The following LGR5 variants were observed in gnomAD, a reference collection of about 807,000 sequenced individuals.
The protein encoded by LGR5 is leucine rich repeat containing G protein-coupled receptor 5.
LGR5 carries 54 observed loss-of-function variants against 76.7 expected under a neutral mutation model. That is an observed-to-expected ratio of 0.70 (90% CI 0.57 to 0.88). The LOEUF is 0.88. LGR5 is among the 40% of genes least tolerant of loss of function. The pLI is 0.00. For missense variants in LGR5, 1,078 were observed against 1,073.3 expected (o/e 1.00, Z -0.06); for synonymous variants, 406 against 421.9 (o/e 0.96, Z 0.46).
At chr12:71,571,630 C>A in intron 12 of LGR5, 51 bp downstream of exon 12, 1 of 1,340,634 alleles carries the variant, frequency 7.5e-7, no homozygotes, top group Non-Finnish European at 1.1e-6. Context: ...AATCAAAACT[C>A]ACATTTCTCA....
At position 71,440,226 on chromosome 12, in the gene LGR5, G is replaced by A; in HGVS notation, c.146G>A (p.Arg49Lys). ...HCEPDGRMLL[R>K]VDCSDLGLSE... Reference sequence around the variant, plus strand: ...GAGCCCGACGGCAGGATGTTGCTCAGGGTGGACTGCTCCGACCTGGGGCTC... The same window carrying A: ...GAGCCCGACGGCAGGATGTTGCTCAAGGTGGACTGCTCCGACCTGGGGCTC... The change falls in exon 1 of 18, where the codon AGG becomes AAG. Residue 49 changes from arginine (R) to lysine (K), a missense_variant. Physicochemically the swap from Arg to Lys is conservative, Grantham distance 26 (BLOSUM62 2). Transcript: ENST00000266674. This position sits in a 1 kb window ranked among gnomAD's most constrained non-coding sequence, Gnocchi z 5.3. 6.2e-7 allele frequency: 1 copy of A among 1,613,310 alleles called. No individual in the cohort carries two copies. The highest frequency in any genetic ancestry group is 8.5e-7 in the Non-Finnish European group (1 of 1,179,908).
At chr12:71,519,958 G>T (rs1236816334) in intron 2 of LGR5, among the ~76,000 whole-genome samples, 1 of 151,782 alleles carries the variant, frequency 6.6e-6, no homozygotes, top group African/African-American at 2.4e-5. Flanking sequence ...TATAACCCTG[G>T]TGCATTATTA....
chr12:71,543,272 C>G (rs941752570), intron 4 of LGR5, among the ~76,000 whole-genome samples: 1 of 152,208 alleles, frequency 6.6e-6, no homozygotes, highest in African/African-American at 2.4e-5. Flanking sequence ...TTCCCACATG[C>G]CTTTCCTGGG....
chr12:71,546,797 A>C (rs1877193205), intron 4 of LGR5, among the ~76,000 whole-genome samples: 1 of 152,128 alleles, frequency 6.6e-6, no homozygotes, highest in Non-Finnish European at 1.5e-5. Context: ...TTTCATGCAA[A>C]CCTTGAAGAC....
intron 5 of LGR5, among the ~76,000 whole-genome samples, chr12:71,554,500 G>T (rs1877661490): frequency 6.6e-6 from 1 of 152,216 alleles, no homozygotes. Context: ...TTTCTAATCT[G>T]TGGCTAATTT....
At chr12:71,557,526 C>CTACA (rs772087738) in intron 6 of LGR5, among the ~76,000 whole-genome samples, 2 of 152,178 alleles carry the variant, frequency 1.3e-5, no homozygotes, top group Admixed American at 6.5e-5. Context: ...ATGTTTACTA[C>CTACA]TACATACTAC....
chr12:71,492,385 A>T (rs1874113362), intron 1 of LGR5, among the ~76,000 whole-genome samples: 2 of 152,150 alleles, frequency 1.3e-5, no homozygotes, highest in Admixed American at 1.3e-4. Flanking sequence ...CAGCATTTCA[A>T]CTGGTTTAGA....
intron 3 of LGR5, among the ~76,000 whole-genome samples, chr12:71,532,684 T>C (rs1339500158): frequency 6.6e-6 from 1 of 152,204 alleles, no homozygotes; most frequent in Non-Finnish European, 1.5e-5. Flanking sequence ...TTATTCCCAT[T>C]ATACAGATAA....
At chr12:71,550,425 G>A (rs890166468) in intron 4 of LGR5, among the ~76,000 whole-genome samples, 3 of 148,350 alleles carry the variant, frequency 2.0e-5, no homozygotes, top group African/African-American at 5.0e-5. Context: ...GAACCACTGC[G>A]CGCAGCCCAA....
chr12:71,576,321 TG>T (rs1443654356), intron 13 of LGR5, among the ~76,000 whole-genome samples: 1 of 152,032 alleles, frequency 6.6e-6, no homozygotes, highest in Non-Finnish European at 1.5e-5. Flanking sequence ...AAGCAAAGGA[TG>T]GGTGTGCAGA....
At position 71,571,500 on chromosome 12, in the gene LGR5, C is replaced by T. The variant is rs763108887; in HGVS notation, c.1071-14C>T. The T allele has an allele frequency of 6.3e-7, 1 of 1,591,750 alleles. No individual in the cohort carries two copies. Among genetic ancestry groups the T allele is most frequent in the Admixed American group, 1.7e-5 (1 of 57,612 alleles). Reference sequence around the variant, plus strand: ...TGTAACAGATTTTCCCTTTTTGCACCTTCTGTTTTTCAGAGATCTGTCTTA... The same window carrying T: ...TGTAACAGATTTTCCCTTTTTGCACTTTCTGTTTTTCAGAGATCTGTCTTA... On this transcript the variant is annotated splice_polypyrimidine_tract_variant and intron_variant, in intron 11 of 17. Coordinates refer to ENST00000266674, the MANE Select transcript of LGR5 (RefSeq NM_003667.4).
chr12:71,552,267 TA>T (rs896868733), intron 4 of LGR5, among the ~76,000 whole-genome samples: 2 of 151,260 alleles, frequency 1.3e-5, no homozygotes. Context: ...AATTAAAAAT[TA>T]AAAAAAAATT....
chr12:71,520,506 T>C (rs916306675), intron 2 of LGR5, among the ~76,000 whole-genome samples: 23 of 152,154 alleles, frequency 1.5e-4, no homozygotes, highest in Non-Finnish European at 3.2e-4. Flanking sequence ...TGAATACATA[T>C]AATGCTACTG....
chr12:71,524,716 A>G (rs1340337024), intron 3 of LGR5, among the ~76,000 whole-genome samples: 1 of 152,178 alleles, frequency 6.6e-6, no homozygotes, highest in Non-Finnish European at 1.5e-5. Flanking sequence ...CCTTTAAATA[A>G]CTACCTTATC....
At chr12:71,463,226 G>A (rs1294324550) in intron 1 of LGR5, among the ~76,000 whole-genome samples, 1 of 152,158 alleles carries the variant, frequency 6.6e-6, no homozygotes, top group Non-Finnish European at 1.5e-5. Context: ...AGAAAAACCT[G>A]AGCATCTGTT....
At chr12:71,446,677 T>C (rs750362646) in intron 1 of LGR5, among the ~76,000 whole-genome samples, 2 of 152,262 alleles carry the variant, frequency 1.3e-5, no homozygotes, top group African/African-American at 2.4e-5. Context: ...ATCATTTTAA[T>C]TGGTGCTGAA....
At chr12:71,476,597 G>A (rs1363408205) in intron 1 of LGR5, among the ~76,000 whole-genome samples, 3 of 152,160 alleles carry the variant, frequency 2.0e-5, no homozygotes, top group African/African-American at 7.2e-5. Flanking sequence ...TAGCTGACTG[G>A]TGGATCGTTG....
At chr12:71,518,523 A>AT (rs544916005) in intron 2 of LGR5, among the ~76,000 whole-genome samples, 363 of 152,336 alleles carry the variant, frequency 2.4e-3, no homozygotes, top group African/African-American at 8.6e-3. Context: ...AATATAAATC[A>AT]TTCTATTATA....
chr12:71,520,251 A>T (rs1235415480), intron 2 of LGR5, among the ~76,000 whole-genome samples: 2 of 152,250 alleles, frequency 1.3e-5, no homozygotes. Context: ...ATATGGTGTA[A>T]CATGGTTGGA....
Sources: allele counts gnomAD v4.1 joint callset (sites outside exome capture counted in the v4.1 genomes callset), GRCh38; gene constraint gnomAD v4.1.1; non-coding constraint Gnocchi (gnomAD v3.1); transcripts MANE v1.5; gene names NCBI Gene and HGNC (gene_info 2026-07-23, HGNC 2026-07-21).